The following PDE4DIP variants were observed in gnomAD, a reference collection of about 807,000 sequenced individuals.
PDE4DIP encodes myomegalin.
PDE4DIP carries 59 observed loss-of-function variants against 221.4 expected under a neutral mutation model. The ratio of observed to expected loss-of-function variants is 0.27; its 90% CI spans 0.22 to 0.33. The LOEUF (loss-of-function observed/expected upper bound fraction) is 0.33, where lower values mean the gene tolerates loss of function less well. Among genes scored for constraint, PDE4DIP ranks in the 10% least tolerant of loss-of-function variants. The pLI, the probability that PDE4DIP is intolerant of heterozygous loss-of-function variation, is 1.00. For missense variants in PDE4DIP, 1,036 were observed against 2,154.2 expected (o/e 0.48, Z 10.28); for synonymous variants, 404 against 815.9 (o/e 0.50, Z 8.60).
chr1:149,017,798 C>T (rs143415702), exon 34 of PDE4DIP: 30 of 1,609,106 alleles, frequency 1.9e-5, no homozygotes, highest in Admixed American at 1.7e-4. Context: ...CCTGCGCCAG[C>T]GCCTGGAGGA....
At chr1:148,937,531 C>T (rs4439318) in intron 4 of PDE4DIP, among the ~76,000 whole-genome samples, 16 of 152,134 alleles carry the variant, frequency 1.1e-4, no homozygotes, top group South Asian at 4.2e-4. Flanking sequence ...GGTCCATGAA[C>T]GTGGTGAAAA....
intron 1 of PDE4DIP, among the ~76,000 whole-genome samples, chr1:148,820,555 C>CAA (rs148261220): frequency 0.34 from 13,098 of 38,802 alleles, 1,827 homozygotes; most frequent in East Asian, 0.47. Flanking sequence ...AACTCCATCT[C>CAA]AAAAAAAAAA....
exon 33 of PDE4DIP, chr1:149,016,477 G>A (rs1553611295): frequency 1.2e-6 from 1 of 802,452 alleles, no homozygotes; most frequent in Non-Finnish European, 2.2e-6. Context: ...ATGTGATGAG[G>A]CCTCAGAAAG....
At chr1:148,948,079 G>A (rs587713263) in intron 5 of PDE4DIP, among the ~76,000 whole-genome samples, 1 of 142,282 alleles carries the variant, frequency 7.0e-6, no homozygotes, top group South Asian at 2.4e-4. Context: ...TTTCATTGTA[G>A]ATTAGGAAAT....
intron 14 of PDE4DIP, among the ~76,000 whole-genome samples, chr1:148,971,007 C>T (rs1333113319): frequency 6.0e-5 from 9 of 151,116 alleles, no homozygotes; most frequent in African/African-American, 1.9e-4. Context: ...ATCTTAGACC[C>T]TCAGTAATTT....
intron 30 of PDE4DIP, among the ~76,000 whole-genome samples, chr1:149,010,178 A>G (rs2068172652): frequency 1.3e-5 from 2 of 152,154 alleles, no homozygotes; most frequent in South Asian, 2.1e-4. Flanking sequence ...TTGGGTGTCC[A>G]CAGATGCTGC....
chr1:148,827,695 G>A (rs1200522818), intron 1 of PDE4DIP, among the ~76,000 whole-genome samples: 1 of 114,688 alleles, frequency 8.7e-6, no homozygotes, highest in Non-Finnish European at 2.0e-5. Flanking sequence ...GATTGTGTCT[G>A]TGTGCTTGTG....
intron 1 of PDE4DIP, among the ~76,000 whole-genome samples, chr1:148,892,173 T>C (rs2149358576): frequency 8.3e-6 from 1 of 120,212 alleles, no homozygotes; most frequent in African/African-American, 3.6e-5. Context: ...TTTCGTATTT[T>C]TAATAGAGGC....
At chr1:148,906,791 G>T (rs2041922626) in intron 1 of PDE4DIP, among the ~76,000 whole-genome samples, 1 of 128,152 alleles carries the variant, frequency 7.8e-6, no homozygotes, top group Admixed American at 7.9e-5. Flanking sequence ...AATAACTACT[G>T]CTGGGCCAGG....
At chr1:148,912,118 G>A (rs1190087740) in intron 1 of PDE4DIP, among the ~76,000 whole-genome samples, 6 of 146,022 alleles carry the variant, frequency 4.1e-5, no homozygotes, top group South Asian at 2.2e-4. Context: ...TGAAAGGATG[G>A]GATGGAAAGG....
Position 148,905,195 on chromosome 1 carries a change from T to G in PDE4DIP, c.141+15301T>G, listed in dbSNP as rs1345047837. On this transcript the variant is annotated intron_variant, in intron 1 of 43. Coordinates refer to ENST00000369354, the Ensembl canonical transcript of PDE4DIP. ...TCTTCTAGGTTTTTTTTTTTTTTTTTTTTTTTGAGATGGAGTCTTGCTCTG... is the reference window on the plus strand; with the variant it reads ...TCTTCTAGGTTTTTTTTTTTTTTTTGTTTTTTGAGATGGAGTCTTGCTCTG... Among the ~76,000 whole-genome samples, 16 of 146,144 alleles carry G rather than the reference T, an allele frequency of 1.1e-4. No individual in the cohort carries two copies. The South Asian group carries it at 3.5e-3, about 32-fold the overall frequency.
At chr1:148,936,672 C>T (rs587748641) in intron 4 of PDE4DIP, among the ~76,000 whole-genome samples, 169 of 148,294 alleles carry the variant, frequency 1.1e-3, no homozygotes, top group African/African-American at 4.2e-3. Flanking sequence ...TTCCTTATAT[C>T]CTTATTCTAG....
At chr1:148,963,101 T>C (rs1210466277) in intron 9 of PDE4DIP, among the ~76,000 whole-genome samples, 3 of 152,132 alleles carry the variant, frequency 2.0e-5, no homozygotes, top group African/African-American at 4.8e-5. Context: ...TTTCATCGTG[T>C]TAGGATGGTC....
In PDE4DIP at chr1:148,979,993, T is replaced by C. The variant is rs149793754; in HGVS notation, c.2687+144T>C. The C allele has an allele frequency of 4.9e-5, 56 of 1,132,114 alleles. No individual in the cohort carries two copies. In the Admixed American group the frequency reaches 7.0e-4, roughly 14 times the overall value. 70.1% of individuals were successfully genotyped at this position (1,132,114 alleles called of 1,614,324 possible). On this transcript the variant is annotated intron_variant, in intron 20 of 43. Coordinates refer to ENST00000369354, the Ensembl canonical transcript of PDE4DIP. ...AAAAAAGAGGGACAATTACCGGGGC[T>C]ACCCACTTTGTCATTTGTTTTATGG...
chr1:148,846,423 A>G (rs587718501), intron 1 of PDE4DIP, among the ~76,000 whole-genome samples: 15 of 44,990 alleles, frequency 3.3e-4, no homozygotes, highest in Middle Eastern at 0.012. Flanking sequence ...CAGCCTGGGC[A>G]ACAAAAGCGA....
At position 149,017,962 on chromosome 1, in the gene PDE4DIP, C is replaced by T. The variant is rs924667; in HGVS notation, c.5650+83C>T. 8.0e-3 allele frequency: 11,037 copies of T among 1,380,660 alleles called. 71 individuals are homozygous for T. The highest frequency in any genetic ancestry group is 0.011 in the Middle Eastern group (60 of 5,450). The allele number at this position is 1,380,660 out of a possible 1,614,324, so 85.5% of individuals were successfully genotyped here. A position where few individuals can be genotyped will look rare whatever the true frequency, so the allele number is the denominator to read the frequency against. On this transcript the variant is annotated intron_variant, in intron 34 of 43. Coordinates refer to ENST00000369354, the Ensembl canonical transcript of PDE4DIP. ...CTTCACAGATATTCTTTACTTCACTCGCTCCTTATGAACAGTCCAGCAAGG... is the reference window on the plus strand; with the variant it reads ...CTTCACAGATATTCTTTACTTCACTTGCTCCTTATGAACAGTCCAGCAAGG...
intron 22 of PDE4DIP, chr1:148,992,973 A>G (rs1268006946): frequency 4.5e-6 from 2 of 446,668 alleles, no homozygotes; most frequent in Non-Finnish European, 3.1e-6. Context: ...ACTTGGGGAC[A>G]TGAGTAGTTG....
At chr1:149,032,621 C>T (rs1382708302) in exon 44 of PDE4DIP, 2 of 235,640 alleles carry the variant, frequency 8.5e-6, no homozygotes, top group Non-Finnish European at 1.7e-5. Flanking sequence ...TCAGGCTTAA[C>T]CTAGCACATC....
At position 149,032,075 on chromosome 1, in the gene PDE4DIP, C is replaced by G. The variant is rs1399158429; in HGVS notation, c.*90C>G. ...GTGGGCCTGTCCCCCTTTTGTGCAG[C>G]TACCTATCTGCTGAGGAGCATCTGG... On this transcript the variant is annotated 3_prime_UTR_variant, in exon 44 of 44. Coordinates refer to ENST00000369354, the Ensembl canonical transcript of PDE4DIP. 3.7e-6 allele frequency: 6 copies of G among 1,607,758 alleles called. No individual in the cohort carries two copies. In the African/African-American group the frequency reaches 6.7e-5, roughly 18 times the overall value.
Sources: allele counts gnomAD v4.1 joint callset (sites outside exome capture counted in the v4.1 genomes callset), GRCh38; gene constraint gnomAD v4.1.1; transcripts MANE v1.5; gene names NCBI Gene and HGNC (gene_info 2026-07-23, HGNC 2026-07-21).